Variants in CHRNA3 observed in about 807,000 individuals in gnomAD.
The protein encoded by CHRNA3 is neuronal acetylcholine receptor subunit alpha-3.
A neutral mutation model predicts 41.9 loss-of-function variants in CHRNA3; 34 were observed. That is an observed-to-expected ratio of 0.81 (90% CI 0.62 to 1.08). The LOEUF is 1.08. CHRNA3 is among the 50% of genes least tolerant of loss of function. The pLI is 0.00. For synonymous variants in CHRNA3, 281 were observed against 265.2 expected (o/e 1.06, Z -0.58); for missense variants, 542 against 638.3 (o/e 0.85, Z 1.63).
At chr15:78,616,068 T>C (rs1012026080) in intron 4 of CHRNA3, among the ~76,000 whole-genome samples, 2 of 96,606 alleles carry the variant, frequency 2.1e-5, no homozygotes, top group African/African-American at 8.0e-5. Context: ...AAAAAGCTCA[T>C]TGGGGCTGGG....
chr15:78,614,844 A>G (rs112196489), intron 4 of CHRNA3, among the ~76,000 whole-genome samples: 5 of 152,354 alleles, frequency 3.3e-5, no homozygotes, highest in African/African-American at 1.2e-4. Context: ...AGTCCAATGA[A>G]AGAGCTTAAA....
intron 5 of CHRNA3, among the ~76,000 whole-genome samples, chr15:78,597,294 G>A (rs191362448): frequency 1.3e-5 from 2 of 152,172 alleles, no homozygotes; most frequent in Non-Finnish European, 2.9e-5. Context: ...GCCAGGAGTG[G>A]TGGCACATGC....
At position 78,596,519 on chromosome 15, in the gene CHRNA3, T is replaced by A; in HGVS notation, c.*85A>T. The A allele has an allele frequency of 3.0e-6, 4 of 1,350,444 alleles. No individual in the cohort carries two copies. Among genetic ancestry groups the A allele is most frequent in the Non-Finnish European group, 2.9e-6 (3 of 1,046,564 alleles). 83.7% of individuals were successfully genotyped at this position (1,350,444 alleles called of 1,614,324 possible). A position where few individuals can be genotyped will look rare whatever the true frequency, so the allele number is the denominator to read the frequency against. The stretch of plus-strand genomic sequence containing the variant: ...GCCAAAAACAAAGCTGGTAGCTTGA[T>A]AACAGAAAGTACGTTCTTACTAGGA... On this transcript the variant is annotated 3_prime_UTR_variant, in exon 6 of 6. Coordinates refer to ENST00000326828, the MANE Select transcript of CHRNA3 (RefSeq NM_000743.5).
Position 78,610,186 on chromosome 15 carries a change from G to A in CHRNA3, c.377+6838C>T, listed in dbSNP as rs1212421568. The stretch of plus-strand genomic sequence containing the variant: ...AGATCAACAAGACAAAGTTAACAAC[G>A]ATACCCAGGAATTGAACTCAGCTCT... On this transcript the variant is annotated intron_variant, in intron 4 of 5. Coordinates refer to ENST00000326828, the MANE Select transcript of CHRNA3 (RefSeq NM_000743.5). Among the ~76,000 whole-genome samples the A allele has an allele frequency of 4.6e-5, 7 of 152,216 alleles. No homozygotes were observed. In the East Asian group the frequency reaches 7.7e-4, roughly 17 times the overall value.
chr15:78,612,484 A>G (rs1459418672), intron 4 of CHRNA3, among the ~76,000 whole-genome samples: 1 of 108,590 alleles, frequency 9.2e-6, no homozygotes, highest in African/African-American at 4.2e-5. Context: ...TCCCTATTTA[A>G]TAAATGGTGC....
At chr15:78,599,869 T>C (rs1342067184) in intron 5 of CHRNA3, 2 of 140,168 alleles carry the variant, frequency 1.4e-5, no homozygotes, top group Non-Finnish European at 3.1e-5. Flanking sequence ...TACAAAAAAT[T>C]AGGCATGGTA....
At chr15:78,608,853 A>G (rs185120281) in intron 4 of CHRNA3, among the ~76,000 whole-genome samples, 1 of 152,336 alleles carries the variant, frequency 6.6e-6, no homozygotes, top group East Asian at 1.9e-4. Flanking sequence ...AGACAAATGG[A>G]TAACTAGAAT....
intron 4 of CHRNA3, among the ~76,000 whole-genome samples, chr15:78,611,354 T>TC (rs1404795298): frequency 1.3e-5 from 2 of 151,516 alleles, no homozygotes; most frequent in Non-Finnish European, 2.9e-5. Context: ...CAGCAGCACA[T>TC]CAAAAAGCTT....
chr15:78,595,064 C>T (rs961653251), downstream of CHRNA3: 2 of 152,852 alleles, frequency 1.3e-5, no homozygotes, highest in African/African-American at 4.8e-5. Context: ...TAAGTTCAAG[C>T]CAATGCTCTT....
downstream of CHRNA3, chr15:78,593,839 G>A (rs200247391): frequency 2.6e-5 from 4 of 152,186 alleles, no homozygotes; most frequent in Non-Finnish European, 4.4e-5. Flanking sequence ...TTGGGAGTTC[G>A]AGACCAGCCT....
At chr15:78,597,357 G>C (rs993472115) in intron 5 of CHRNA3, among the ~76,000 whole-genome samples, 1 of 152,178 alleles carries the variant, frequency 6.6e-6, no homozygotes, top group African/African-American at 2.4e-5. Context: ...CTTGAACCCG[G>C]GAGGCGGAGG....
chr15:78,600,971 T>C (rs1280456932), intron 5 of CHRNA3, among the ~76,000 whole-genome samples: 2 of 152,164 alleles, frequency 1.3e-5, no homozygotes. Context: ...TCTAGTCTAT[T>C]GGCATCAGGT....
rs148471939 is a variant in CHRNA3, at chr15:78,614,216, T to C, written c.377+2808A>G. The stretch of plus-strand genomic sequence containing the variant: ...AAGATTGCCAGCAAGGAAATGGCTA[T>C]AAAACGCAAAACATGAAGATTAAAC... On this transcript the variant is annotated intron_variant, in intron 4 of 5. Coordinates refer to ENST00000326828, the MANE Select transcript of CHRNA3 (RefSeq NM_000743.5). Among the ~76,000 whole-genome samples the C allele has an allele frequency of 3.8e-3, 574 of 152,332 alleles. 10 individuals carry two copies. Among genetic ancestry groups the C allele is most frequent in the African/African-American group, 0.013 (539 of 41,570 alleles).
downstream of CHRNA3, chr15:78,593,102 A>T: frequency 6.2e-7 from 1 of 1,605,596 alleles, no homozygotes; most frequent in Non-Finnish European, 8.5e-7. Flanking sequence ...GTTGTTGAAG[A>T]TTGGAAATTC....
chr15:78,605,636 G>A (rs2053272498), intron 4 of CHRNA3, among the ~76,000 whole-genome samples: 1 of 152,170 alleles, frequency 6.6e-6, no homozygotes, highest in African/African-American at 2.4e-5. Context: ...TGTCTGCAGA[G>A]GTCAGTCAGT....
At chr15:78,605,259 A>G (rs1344927596) in intron 4 of CHRNA3, among the ~76,000 whole-genome samples, 1 of 152,166 alleles carries the variant, frequency 6.6e-6, no homozygotes, top group Non-Finnish European at 1.5e-5. Context: ...AAATTTCTTC[A>G]GAAAAATAGG....
chr15:78,611,298 G>A (rs2053375997), intron 4 of CHRNA3, among the ~76,000 whole-genome samples: 1 of 151,990 alleles, frequency 6.6e-6, no homozygotes, highest in African/African-American at 2.4e-5. Context: ...TATCCTTGAT[G>A]AACATTGATG....
downstream of CHRNA3, chr15:78,593,566 T>C (rs1213595045): frequency 1.1e-5 from 2 of 181,334 alleles, no homozygotes; most frequent in African/African-American, 4.7e-5. Flanking sequence ...ATCCTTTGAC[T>C]GTGCTGGAGA....
chr15:78,594,261 A>T (rs751177584), downstream of CHRNA3: 1 of 152,244 alleles, frequency 6.6e-6, no homozygotes, highest in African/African-American at 2.4e-5. Flanking sequence ...CATTAATTTC[A>T]GTCCTCTTGT....
Sources: allele counts gnomAD v4.1 joint callset (sites outside exome capture counted in the v4.1 genomes callset), GRCh38; gene constraint gnomAD v4.1.1; transcripts MANE v1.5; gene names NCBI Gene and HGNC (gene_info 2026-07-23, HGNC 2026-07-21).